Variants in BMPR1A observed in about 807,000 individuals in gnomAD.
BMPR1A encodes bone morphogenetic protein receptor type 1A, also known as bone morphogenetic protein receptor type-1A.
In BMPR1A, 7 loss-of-function variants were observed where a neutral mutation model predicts 66.0. The ratio of observed to expected loss-of-function variants is 0.11; its 90% confidence interval spans 0.06 to 0.20. The LOEUF (loss-of-function observed/expected upper bound fraction) is 0.20. Ranked by LOEUF, BMPR1A falls within the 10% of genes least tolerant of loss-of-function variation. BMPR1A has a pLI of 1.00. For missense variants in BMPR1A, 408 were observed against 669.1 expected (o/e 0.61, Z 4.31); for synonymous variants, 200 against 229.7 (o/e 0.87, Z 1.17).
intron 2 of BMPR1A, among the ~76,000 whole-genome samples, chr10:86,868,566 C>T (rs1409730692): frequency 6.6e-6 from 1 of 152,218 alleles, no homozygotes; most frequent in African/African-American, 2.4e-5. Context: ...CTTGTCAGAC[C>T]CGGCGCCTGG....
At chr10:86,893,336 G>A (rs998019013) in intron 5 of BMPR1A, among the ~76,000 whole-genome samples, 65 of 152,202 alleles carry the variant, frequency 4.3e-4, no homozygotes, top group African/African-American at 1.4e-3. Context: ...TGAGCATCCT[G>A]ATGGCTCTGG....
At chr10:86,841,910 G>C (rs1053613971) in intron 2 of BMPR1A, among the ~76,000 whole-genome samples, 6 of 152,188 alleles carry the variant, frequency 3.9e-5, no homozygotes, top group African/African-American at 1.4e-4. Context: ...AGAGCTTCTG[G>C]ATAGCTGAAC....
At chr10:86,896,495 ATTAC>A in intron 5 of BMPR1A, among the ~76,000 whole-genome samples, 2 of 152,310 alleles carry the variant, frequency 1.3e-5, no homozygotes, top group East Asian at 3.9e-4. Flanking sequence ...ACAGTTATAT[ATTAC>A]TTTAGGACGT....
intron 1 of BMPR1A, among the ~76,000 whole-genome samples, chr10:86,819,578 C>T (rs553108013): frequency 1.3e-5 from 2 of 152,188 alleles, no homozygotes; most frequent in East Asian, 1.9e-4. Context: ...GGATTACAGG[C>T]GTGAGCCACC....
intron 1 of BMPR1A, among the ~76,000 whole-genome samples, chr10:86,783,411 A>G (rs1286222301): frequency 1.3e-5 from 2 of 152,214 alleles, no homozygotes; most frequent in Admixed American, 6.5e-5. Flanking sequence ...TAGAGATTGC[A>G]TTGAATCAGT....
At position 86,926,781 on chromosome 10, in the gene BMPR1A, T is replaced by G; in HGVS notation, c.*3062T>G. On this transcript the variant is annotated 3_prime_UTR_variant, in exon 13 of 13. Transcript: ENST00000372037. ...TCATTCAGATAGCTCTTTAAATAATTAAAATATAAAAGCAAACAACCCAAA... is the reference window on the plus strand; with the variant it reads ...TCATTCAGATAGCTCTTTAAATAATGAAAATATAAAAGCAAACAACCCAAA... 1 of 187,944 alleles carries G rather than the reference T, an allele frequency of 5.3e-6. No individual in the cohort carries two copies. The highest frequency in any genetic ancestry group is 1.1e-5 in the Non-Finnish European group (1 of 89,246). The allele number at this position is 187,944 out of a possible 1,614,324, so 11.6% of individuals were successfully genotyped here.
At chr10:86,931,932 T>A (rs963922155), downstream of BMPR1A, 1 of 152,242 alleles carries the variant, frequency 6.6e-6, no homozygotes, top group Admixed American at 6.5e-5. Context: ...GCTTCTCATA[T>A]GTTTCATCCT....
At chr10:86,910,980 C>T (rs1421231263) in intron 7 of BMPR1A, among the ~76,000 whole-genome samples, 1 of 151,744 alleles carries the variant, frequency 6.6e-6, no homozygotes, top group East Asian at 1.9e-4. Context: ...CATGGTGAAA[C>T]CTCATCTCTA....
At chr10:86,865,755 T>A (rs1275916839) in intron 2 of BMPR1A, among the ~76,000 whole-genome samples, 2 of 152,256 alleles carry the variant, frequency 1.3e-5, no homozygotes, top group Non-Finnish European at 2.9e-5. Flanking sequence ...GCACATTGCA[T>A]TTTCTATCCT....
chr10:86,809,314 G>A (rs11202202), intron 1 of BMPR1A, among the ~76,000 whole-genome samples: 1,581 of 133,226 alleles, frequency 0.012, 28 homozygotes, highest in South Asian at 0.09. Context: ...TTTTGAGACA[G>A]GGTCTCACTC....
chr10:86,811,366 G>A (rs1017829690), intron 1 of BMPR1A, among the ~76,000 whole-genome samples: 2 of 152,202 alleles, frequency 1.3e-5, no homozygotes, highest in South Asian at 2.1e-4. Context: ...TTTTTATGAT[G>A]TTCAGTTTAT....
At chr10:86,846,546 C>CA (rs1842487032) in intron 2 of BMPR1A, among the ~76,000 whole-genome samples, 1 of 152,028 alleles carries the variant, frequency 6.6e-6, no homozygotes, top group African/African-American at 2.4e-5. Context: ...CCTTTTAATA[C>CA]AAAAATTAGC....
intron 1 of BMPR1A, among the ~76,000 whole-genome samples, chr10:86,774,563 G>T (rs951642285): frequency 2.6e-5 from 4 of 152,118 alleles, no homozygotes; most frequent in African/African-American, 4.8e-5. Flanking sequence ...GAAAGAAAAA[G>T]TATGCAAAAG....
At chr10:86,790,179 AAAAAAAAAAATATATATATATATATAT>A (rs1841584728) in intron 1 of BMPR1A, among the ~76,000 whole-genome samples, 1 of 42,972 alleles carries the variant, frequency 2.3e-5, no homozygotes, top group African/African-American at 1.3e-4. Context: ...AAAAAAAAAA[AAAAAAAAAAATATATATATATATATAT>A]ATATATATAT....
intron 1 of BMPR1A, among the ~76,000 whole-genome samples, chr10:86,773,608 A>C (rs1207857148): frequency 2.0e-5 from 3 of 151,186 alleles, no homozygotes; most frequent in Admixed American, 6.6e-5. Flanking sequence ...AAAAAAAAAA[A>C]AAAAAAAAAC....
intron 1 of BMPR1A, among the ~76,000 whole-genome samples, chr10:86,834,208 T>C (rs571875933): frequency 6.6e-6 from 1 of 152,334 alleles, no homozygotes; most frequent in East Asian, 1.9e-4. Context: ...TCACAGTTGG[T>C]TCAGACCAGA....
At chr10:86,912,951 A>G (rs1367989340) in intron 8 of BMPR1A, among the ~76,000 whole-genome samples, 8 of 151,974 alleles carry the variant, frequency 5.3e-5, no homozygotes, top group African/African-American at 1.2e-4. Flanking sequence ...GTATCAGGGA[A>G]AAAAAAATAA....
At position 86,796,190 on chromosome 10, in the gene BMPR1A, C is replaced by CT. The variant is rs556944264; in HGVS notation, c.-268+39279dup. 3.2e-4 allele frequency among the ~76,000 whole-genome samples: 49 copies of CT among 151,590 alleles called. 1 individual carries two copies. The highest frequency in any genetic ancestry group is 1.1e-3 in the African/African-American group (45 of 41,348). On this transcript the variant is annotated intron_variant, in intron 1 of 12. Coordinates refer to ENST00000372037, the MANE Select transcript of BMPR1A (RefSeq NM_004329.3). ...CAGTTGGTTTTAGTTAGAATATATG[C>CT]TTTTTTTTAAGCCTTTAAGGAATTA... is the stretch of plus-strand genomic sequence containing the variant.
chr10:86,881,144 G>C (rs1031835487), intron 3 of BMPR1A, among the ~76,000 whole-genome samples: 1 of 152,174 alleles, frequency 6.6e-6, no homozygotes, highest in Non-Finnish European at 1.5e-5. Flanking sequence ...GGCTGAGGTG[G>C]GCGGGAGAAT....
Sources: allele counts gnomAD v4.1 joint callset (sites outside exome capture counted in the v4.1 genomes callset), GRCh38; gene constraint gnomAD v4.1.1; transcripts MANE v1.5; gene names NCBI Gene and HGNC (gene_info 2026-07-23, HGNC 2026-07-21).